The following TMEM117 variants were observed in gnomAD, a reference collection of about 807,000 sequenced individuals.
The protein encoded by TMEM117 is transmembrane protein 117.
A neutral mutation model predicts 52.4 loss-of-function variants in TMEM117; 27 were observed. That is an observed-to-expected ratio of 0.51 (90% CI 0.38 to 0.71). The LOEUF is 0.71. TMEM117 is among the 30% of genes least tolerant of loss of function. The pLI, the probability that TMEM117 is intolerant of heterozygous loss-of-function variation, is 0.00. For missense variants in TMEM117, 556 were observed against 630.5 expected (o/e 0.88, Z 1.26); for synonymous variants, 215 against 206.3 (o/e 1.04, Z -0.36).
At chr12:44,177,879 T>C (rs1329750193) in intron 4 of TMEM117, among the ~76,000 whole-genome samples, 7 of 152,200 alleles carry the variant, frequency 4.6e-5, no homozygotes, top group Non-Finnish European at 8.8e-5. Flanking sequence ...CAAGTCTCAG[T>C]ATTTGAAAGT....
At chr12:43,847,410 G>T (rs1254421969) in intron 2 of TMEM117, among the ~76,000 whole-genome samples, 3 of 152,172 alleles carry the variant, frequency 2.0e-5, no homozygotes, top group African/African-American at 7.2e-5. Flanking sequence ...TCTTTAACCT[G>T]ATAACCTCTG....
At chr12:43,817,857 T>G in the TMEM117 span, among the ~76,000 whole-genome samples, 6 of 152,332 alleles carry the variant, frequency 3.9e-5, no homozygotes, top group Middle Eastern at 3.4e-3. Context: ...TTCAGAGAGT[T>G]TAGTTTTGTG....
intron 3 of TMEM117, among the ~76,000 whole-genome samples, chr12:44,021,844 C>T (rs967602986): frequency 2.0e-5 from 3 of 152,174 alleles, no homozygotes; most frequent in Admixed American, 6.5e-5. Context: ...TCTGGAAGTA[C>T]TCTTGCTGGG....
At chr12:43,848,242 A>C (rs1171233742) in intron 2 of TMEM117, among the ~76,000 whole-genome samples, 2 of 152,168 alleles carry the variant, frequency 1.3e-5, no homozygotes, top group Admixed American at 6.5e-5. Context: ...TAAACAACAG[A>C]AAACAGCATT....
At chr12:43,909,907 T>C (rs4768542) in intron 2 of TMEM117, among the ~76,000 whole-genome samples, 81,548 of 120,614 alleles carry the variant, frequency 0.68, 30,549 homozygotes, top group East Asian at 0.84. Context: ...CCAAATTCTA[T>C]CAGAGGTACA....
At chr12:43,877,941 A>C (rs2137443092) in intron 2 of TMEM117, among the ~76,000 whole-genome samples, 1 of 151,408 alleles carries the variant, frequency 6.6e-6, no homozygotes, top group Admixed American at 6.6e-5. Context: ...ACAGAATAAT[A>C]CTTTATATAT....
At chr12:43,841,156 C>T (rs1359148652) in intron 1 of TMEM117, among the ~76,000 whole-genome samples, 1 of 152,156 alleles carries the variant, frequency 6.6e-6, no homozygotes, top group Non-Finnish European at 1.5e-5. Flanking sequence ...GAATAAATTC[C>T]AGCCAGCTTA....
intron 3 of TMEM117, among the ~76,000 whole-genome samples, chr12:43,970,310 A>G (rs1245055447): frequency 1.3e-5 from 2 of 149,762 alleles, no homozygotes; most frequent in Non-Finnish European, 3.0e-5. Context: ...TTTTTTTGAG[A>G]TGGAGTCTTG....
intron 5 of TMEM117, among the ~76,000 whole-genome samples, chr12:44,267,278 T>A (rs921769340): frequency 6.6e-6 from 1 of 152,150 alleles, no homozygotes; most frequent in African/African-American, 2.4e-5. Context: ...GATGTTATCA[T>A]AAATGAAATC....
chr12:44,343,613 CA>C (rs1951446128), intron 6 of TMEM117, among the ~76,000 whole-genome samples: 1 of 151,862 alleles, frequency 6.6e-6, no homozygotes, highest in South Asian at 2.1e-4. Context: ...AAGTTTGAGA[CA>C]ATTAAAAAGG....
chr12:44,046,084 T>A (rs1238039982), intron 3 of TMEM117, among the ~76,000 whole-genome samples: 3 of 152,158 alleles, frequency 2.0e-5, no homozygotes, highest in Non-Finnish European at 2.9e-5. Context: ...TTCTCGCATA[T>A]CCCTGAATAA....
intron 3 of TMEM117, among the ~76,000 whole-genome samples, chr12:43,948,554 C>G (rs1470325444): frequency 1.3e-5 from 2 of 152,130 alleles, no homozygotes; most frequent in African/African-American, 4.8e-5. Flanking sequence ...ATCCGCCTGC[C>G]TCAGCCTTCC....
intron 2 of TMEM117, among the ~76,000 whole-genome samples, chr12:43,938,893 G>T (rs548889599): frequency 1.3e-5 from 2 of 151,962 alleles, no homozygotes. Flanking sequence ...CCAGCTACTC[G>T]GGAGGCTGAG....
At chr12:44,303,066 G>A (rs1195097321) in intron 6 of TMEM117, among the ~76,000 whole-genome samples, 3 of 150,868 alleles carry the variant, frequency 2.0e-5, no homozygotes, top group Non-Finnish European at 4.4e-5. Flanking sequence ...TTTCTGATAT[G>A]GAGTTTCACT....
At chr12:43,879,828 C>G (rs373140033) in intron 2 of TMEM117, among the ~76,000 whole-genome samples, 1 of 152,090 alleles carries the variant, frequency 6.6e-6, no homozygotes, top group African/African-American at 2.4e-5. Context: ...AGAGTGTACT[C>G]GTAGAAAGAG....
chr12:44,162,727 C>T (rs1422210006), intron 4 of TMEM117, among the ~76,000 whole-genome samples: 1 of 152,146 alleles, frequency 6.6e-6, no homozygotes, highest in East Asian at 1.9e-4. Flanking sequence ...TGCACTTGTT[C>T]TGTTGAAAAT....
At chr12:44,169,801 C>G (rs1313486680) in intron 4 of TMEM117, among the ~76,000 whole-genome samples, 2 of 152,092 alleles carry the variant, frequency 1.3e-5, no homozygotes, top group Admixed American at 1.3e-4. Flanking sequence ...ACAACAGGTG[C>G]TGGAGAGGAC....
chr12:43,964,841 A>G (rs554840740), intron 3 of TMEM117, among the ~76,000 whole-genome samples: 2 of 152,196 alleles, frequency 1.3e-5, no homozygotes. Flanking sequence ...AATACTTCGA[A>G]TGTCATCCTT....
At chr12:43,803,548 A>G in the TMEM117 span, among the ~76,000 whole-genome samples, 3 of 152,296 alleles carry the variant, frequency 2.0e-5, no homozygotes, top group Middle Eastern at 3.4e-3. Context: ...CCAGAAAATA[A>G]TAACTTAGGA....
Sources: allele counts gnomAD v4.1 joint callset (sites outside exome capture counted in the v4.1 genomes callset), GRCh38; gene constraint gnomAD v4.1.1; transcripts MANE v1.5; gene names NCBI Gene and HGNC (gene_info 2026-07-23, HGNC 2026-07-21).